The following SLC35F3 variants were observed in gnomAD, a reference collection of about 807,000 sequenced individuals.
SLC35F3 encodes the protein solute carrier family 35 member F3, also known as putative thiamine transporter SLC35F3.
In SLC35F3, 25 loss-of-function variants were observed where a neutral mutation model predicts 49.9. That is an observed-to-expected ratio of 0.50 (90% confidence interval 0.37 to 0.70). SLC35F3 has a LOEUF of 0.70. Ranked by LOEUF, SLC35F3 falls within the 30% of genes least tolerant of loss-of-function variation. SLC35F3 has a pLI of 0.00. For missense variants in SLC35F3, 525 were observed against 639.8 expected, an observed-to-expected ratio of 0.82 and a Z score of 1.94; for synonymous variants, 275 against 265.4, an observed-to-expected ratio of 1.04 and a Z score of -0.35.
intron 2 of SLC35F3, among the ~76,000 whole-genome samples, chr1:234,134,312 A>G (rs1049783192): frequency 6.7e-6 from 1 of 148,792 alleles, no homozygotes; most frequent in Middle Eastern, 3.3e-3. Flanking sequence ...ATGCAATTAT[A>G]TATACAAACA....
At chr1:234,029,181 G>A (rs944985453) in intron 2 of SLC35F3, among the ~76,000 whole-genome samples, 1 of 152,156 alleles carries the variant, frequency 6.6e-6, no homozygotes, top group Non-Finnish European at 1.5e-5. Flanking sequence ...TCATCTACAG[G>A]AGAAACAGAT....
At chr1:234,248,378 G>GGTTGGTTGGCTGGTCC (rs1667680021) in intron 3 of SLC35F3, among the ~76,000 whole-genome samples, 1 of 151,278 alleles carries the variant, frequency 6.6e-6, no homozygotes, top group Non-Finnish European at 1.5e-5. Context: ...TTGTTCAGTG[G>GGTTGGTTGGCTGGTCC]GTTGGTTGGC....
chr1:234,219,811 G>A (rs950830220), intron 2 of SLC35F3, among the ~76,000 whole-genome samples: 24 of 152,176 alleles, frequency 1.6e-4, no homozygotes, highest in African/African-American at 5.6e-4. Flanking sequence ...TATTGGAACT[G>A]CTTTTCCTGG....
At chr1:234,111,480 C>CG (rs1421180550) in intron 2 of SLC35F3, among the ~76,000 whole-genome samples, 30 of 152,278 alleles carry the variant, frequency 2.0e-4, no homozygotes, top group South Asian at 2.1e-4. Flanking sequence ...TCAGTAGAGA[C>CG]GGGGGTCTCA....
intron 2 of SLC35F3, among the ~76,000 whole-genome samples, chr1:233,953,838 G>A (rs955105786): frequency 1.1e-4 from 16 of 152,242 alleles, no homozygotes; most frequent in African/African-American, 3.6e-4. Flanking sequence ...GTACTGGAAG[G>A]TGCAGCATCA....
intron 3 of SLC35F3, among the ~76,000 whole-genome samples, chr1:234,245,484 C>A (rs1667616572): frequency 6.6e-6 from 1 of 152,224 alleles, no homozygotes; most frequent in South Asian, 2.1e-4. Context: ...GATAAATACC[C>A]AGCAATGGGA....
intron 2 of SLC35F3, among the ~76,000 whole-genome samples, chr1:234,094,992 A>G (rs992933212): frequency 9.2e-5 from 14 of 152,122 alleles, no homozygotes; most frequent in Non-Finnish European, 1.8e-4. Flanking sequence ...TTTTGTCACT[A>G]CACATTGCAC....
At chr1:233,912,431 C>T (rs540494977) in intron 2 of SLC35F3, among the ~76,000 whole-genome samples, 9 of 152,004 alleles carry the variant, frequency 5.9e-5, no homozygotes, top group African/African-American at 9.7e-5. Flanking sequence ...GAGCCGAGAT[C>T]GTGCCACTGC....
At chr1:234,081,904 ATTTTTTTTTTTTTTTTTTT>A (rs781469880) in intron 2 of SLC35F3, among the ~76,000 whole-genome samples, 2 of 39,214 alleles carry the variant, frequency 5.1e-5, no homozygotes, top group East Asian at 1.0e-3. Flanking sequence ...TGCCTGGCTA[ATTTTTTTTTTTTTTTTTTT>A]TTTTTTTTTT....
rs545259762 is a variant in SLC35F3, at chr1:233,951,543, C to T, written c.283+45785C>T. On this transcript the variant is annotated intron_variant, in intron 2 of 7. Transcript: ENST00000366618. ...CATAAATACTTTTGTGCTATAATTG[C>T]CTACAGCAGGGGTTCCCAACTCCTG... Among the ~76,000 whole-genome samples the T allele has an allele frequency of 3.7e-4, 56 of 152,110 alleles. No homozygotes were observed. The South Asian group carries it at 0.012, about 32-fold the overall frequency.
chr1:234,101,794 G>A (rs1665217218), intron 2 of SLC35F3, among the ~76,000 whole-genome samples: 1 of 152,164 alleles, frequency 6.6e-6, no homozygotes, highest in Non-Finnish European at 1.5e-5. Context: ...AAGGGACGTG[G>A]GTCAAATAGT....
At chr1:234,270,714 CT>C (rs1433582871) in intron 3 of SLC35F3, among the ~76,000 whole-genome samples, 15 of 152,220 alleles carry the variant, frequency 9.9e-5, no homozygotes, top group Admixed American at 9.8e-4. Flanking sequence ...AGAGCAAAGG[CT>C]TTTTGCGAGA....
At chr1:234,006,656 T>C (rs2102835286) in intron 2 of SLC35F3, among the ~76,000 whole-genome samples, 1 of 152,304 alleles carries the variant, frequency 6.6e-6, no homozygotes, top group East Asian at 1.9e-4. Flanking sequence ...CATCCATTCA[T>C]TCCTTGTGCA....
intron 2 of SLC35F3, among the ~76,000 whole-genome samples, chr1:233,982,395 A>G (rs993841267): frequency 6.6e-6 from 1 of 150,878 alleles, no homozygotes; most frequent in African/African-American, 2.4e-5. Flanking sequence ...TTATTTTTTG[A>G]CATAGTTTTG....
intron 2 of SLC35F3, among the ~76,000 whole-genome samples, chr1:234,147,230 C>CTTTTTTTTTTTTT (rs201359916): frequency 1.0e-4 from 13 of 125,092 alleles, no homozygotes; most frequent in Non-Finnish European, 1.9e-4. Context: ...TTTCTATTTT[C>CTTTTTTTTTTTTT]TTTTTTTTTT....
chr1:234,068,832 TATATATATATATATATATATATATGGC>T (rs1255744476), intron 2 of SLC35F3, among the ~76,000 whole-genome samples: 7 of 115,562 alleles, frequency 6.1e-5, no homozygotes, highest in Non-Finnish European at 1.3e-4. Flanking sequence ...ATTATATATA[TATATATATATATATATATATATATGGC>T]ATATTTATAT....
intron 2 of SLC35F3, among the ~76,000 whole-genome samples, chr1:233,928,113 T>C (rs1662188514): frequency 6.6e-6 from 1 of 152,162 alleles, no homozygotes; most frequent in African/African-American, 2.4e-5. Flanking sequence ...GTAAATTTTC[T>C]GCATAAGCCC....
chr1:233,999,752 T>G (rs574855039), intron 2 of SLC35F3, among the ~76,000 whole-genome samples: 1 of 152,314 alleles, frequency 6.6e-6, no homozygotes, highest in East Asian at 1.9e-4. Context: ...ATTTTCTGTT[T>G]GTGCTACCTT....
At chr1:234,023,045 C>A (rs950050074) in intron 2 of SLC35F3, among the ~76,000 whole-genome samples, 1 of 152,056 alleles carries the variant, frequency 6.6e-6, no homozygotes, top group African/African-American at 2.4e-5. Context: ...AAAGAAGTTT[C>A]CCCAGAAAAA....
Sources: gnomAD v4.1 joint callset for allele counts (sites outside exome capture counted in the v4.1 genomes callset) on GRCh38, gnomAD v4.1.1 for gene constraint, MANE v1.5 for transcripts, NCBI Gene and HGNC (gene_info 2026-07-23, HGNC 2026-07-21) for gene names.